TMEM243: variants seen among roughly 807,000 people sequenced by gnomAD.
TMEM243 encodes MDR1 and mitochondrial taxol resistance associated.
In TMEM243, 20 loss-of-function variants were observed where a neutral mutation model predicts 15.0. That is an observed-to-expected ratio of 1.33 (90% CI 0.94 to 1.93). The LOEUF (loss-of-function observed/expected upper bound fraction) is 1.93. TMEM243 is among the 30% of genes most tolerant of loss of function. TMEM243 has a pLI of 0.00. For synonymous variants in TMEM243, 72 were observed against 52.7 expected, an observed-to-expected ratio of 1.37 and a Z score of -1.59; for missense variants, 156 against 142.1, an observed-to-expected ratio of 1.10 and a Z score of -0.50.
intron 1 of TMEM243, among the ~76,000 whole-genome samples, chr7:87,216,523 C>T (rs1436423651): frequency 6.6e-6 from 1 of 152,120 alleles, no homozygotes. Flanking sequence ...ATGACTATGT[C>T]TGTAAAGCTA....
Position 87,196,687 on chromosome 7 carries a change from G to A in TMEM243, c.306C>T (p.Ile102=), listed in dbSNP as rs1801281062. 6.2e-7 allele frequency: 1 copy of A among 1,610,208 alleles called. No individual in the cohort carries two copies. Among genetic ancestry groups the A allele is most frequent in the South Asian group, 1.1e-5 (1 of 90,376 alleles). The change falls in exon 4 of 4, where the codon ATC becomes ATT. Residue 102 remains isoleucine (I), a synonymous_variant. Coordinates refer to ENST00000257637, the MANE Select transcript of TMEM243 (RefSeq NM_024315.4). ...RKLIYYIIFS[I]IMLCICANLY... ...GGTTTGCACATATACACAACATGAT[G>A]ATAGAAAATATGATATAGTAAATTA...
intron 1 of TMEM243, among the ~76,000 whole-genome samples, chr7:87,210,560 C>T (rs1165706766): frequency 6.6e-6 from 1 of 152,224 alleles, no homozygotes; most frequent in Non-Finnish European, 1.5e-5. Context: ...GAAGGGGCTA[C>T]AGGCCCCATG....
intron 1 of TMEM243, among the ~76,000 whole-genome samples, chr7:87,207,740 A>G (rs1393257416): frequency 6.6e-6 from 1 of 152,208 alleles, no homozygotes; most frequent in Non-Finnish European, 1.5e-5. Flanking sequence ...TTTCTATGTG[A>G]TTCTACAAAA....
intron 1 of TMEM243, among the ~76,000 whole-genome samples, chr7:87,209,707 A>AGAGCGAGACACAGT (rs1286482510): frequency 6.9e-6 from 1 of 144,056 alleles, no homozygotes; most frequent in African/African-American, 2.8e-5. Flanking sequence ...AGACACAGTG[A>AGAGCGAGACACAGT]GAGCGAGACA....
chr7:87,199,332 T>A (rs549826908), intron 1 of TMEM243: 17 of 360,632 alleles, frequency 4.7e-5, no homozygotes, highest in African/African-American at 3.6e-4. Context: ...TAAGGGAGGC[T>A]TACAAATAAT....
intron 3 of TMEM243, among the ~76,000 whole-genome samples, chr7:87,197,238 A>C (rs1165808967): frequency 2.0e-5 from 3 of 152,072 alleles, no homozygotes; most frequent in Admixed American, 2.0e-4. Flanking sequence ...GGGTCATGGG[A>C]GTATATAGCA....
chr7:87,219,379 A>C, intron 1 of TMEM243, 47 bp downstream of exon 1: 1 of 1,582,768 alleles, frequency 6.3e-7, no homozygotes, highest in South Asian at 1.1e-5. Flanking sequence ...GAGGGCAGGC[A>C]GCAGACACAC....
intron 1 of TMEM243, among the ~76,000 whole-genome samples, chr7:87,206,802 T>C (rs747569003): frequency 1.3e-5 from 2 of 152,374 alleles, no homozygotes; most frequent in South Asian, 2.1e-4. Flanking sequence ...TTCTTGACAG[T>C]GTGGCACACT....
chr7:87,218,727 T>A (rs893932102), intron 1 of TMEM243: 5 of 152,194 alleles, frequency 3.3e-5, no homozygotes, highest in African/African-American at 9.7e-5. Context: ...AATGCCACTT[T>A]TAGATGAAAA....
intron 1 of TMEM243, among the ~76,000 whole-genome samples, chr7:87,214,709 TAAA>T (rs1035978570): frequency 1.3e-5 from 2 of 152,240 alleles, no homozygotes; most frequent in African/African-American, 4.8e-5. Context: ...TCAGCTGCTT[TAAA>T]ACTAAGCTGT....
intron 1 of TMEM243, among the ~76,000 whole-genome samples, chr7:87,211,632 G>A (rs570405698): frequency 9.3e-4 from 142 of 152,316 alleles, no homozygotes; most frequent in Non-Finnish European, 1.7e-3. Flanking sequence ...AAAGCATAAC[G>A]AGAGGATGCA....
chr7:87,198,673 T>C (rs1317463629), intron 2 of TMEM243: 1 of 348,286 alleles, frequency 2.9e-6, no homozygotes, highest in Non-Finnish European at 5.2e-6. Context: ...GACCAAAGGG[T>C]AATGGATATG....
rs1255945082 is a variant in TMEM243 at position 87,219,673 on chromosome 7, C to G, written c.-170G>C. The G allele has an allele frequency of 6.5e-6, 4 of 620,072 alleles. No individual in the cohort carries two copies. Among genetic ancestry groups the G allele is most frequent in the African/African-American group, 3.7e-5 (2 of 54,114 alleles). 38.4% of individuals were successfully genotyped at this position (620,072 alleles called of 1,614,324 possible). ...TGGGTGGGGGCTCACACGCGGGGAA[C>G]GCGACTGCTCCGCCCCGGCCCCGCG... On this transcript the variant is annotated 5_prime_UTR_variant, in exon 1 of 4. Coordinates refer to ENST00000257637, the MANE Select transcript of TMEM243 (RefSeq NM_024315.4).
chr7:87,209,684 C>CAGTGAAAG (rs1554365988), intron 1 of TMEM243, among the ~76,000 whole-genome samples: 1 of 73,194 alleles, frequency 1.4e-5, no homozygotes, highest in Non-Finnish European at 3.0e-5. Flanking sequence ...GAGCGAGACA[C>CAGTGAAAG]AGCGAGAGAG....
At chr7:87,197,513 G>C (rs1801395383) in intron 3 of TMEM243, among the ~76,000 whole-genome samples, 1 of 151,840 alleles carries the variant, frequency 6.6e-6, no homozygotes, top group Non-Finnish European at 1.5e-5. Context: ...TCCATTTTGG[G>C]AAACAAACAT....
intron 1 of TMEM243, among the ~76,000 whole-genome samples, chr7:87,216,081 T>TAACACGGTGAC (rs1399684495): frequency 6.6e-6 from 1 of 151,844 alleles, no homozygotes; most frequent in East Asian, 1.9e-4. Flanking sequence ...CCATCCTGGC[T>TAACACGGTGAC]AACACGGTGA....
intron 2 of TMEM243, chr7:87,198,804 C>T (rs1336220851): frequency 1.0e-5 from 5 of 484,520 alleles, no homozygotes; most frequent in East Asian, 3.5e-5. Context: ...TATCTTAAAA[C>T]GAAGTTGTCT....
At chr7:87,202,391 G>A (rs1801882753) in intron 1 of TMEM243, among the ~76,000 whole-genome samples, 1 of 152,216 alleles carries the variant, frequency 6.6e-6, no homozygotes, top group Non-Finnish European at 1.5e-5. Context: ...GACAAATGGA[G>A]ATTGTTGACC....
rs549325786 is a variant in TMEM243, at chr7:87,213,746, A to C, written c.78+5680T>G. On this transcript the variant is annotated intron_variant, in intron 1 of 3. Coordinates refer to ENST00000257637, the MANE Select transcript of TMEM243 (RefSeq NM_024315.4). ...GAATTGCTTGACTAACACTAATCAT[A>C]AAAAGCCCTTGCTTTTCACCGTCTT... Among the ~76,000 whole-genome samples the C allele has an allele frequency of 3.0e-4, 45 of 151,884 alleles. No individual in the cohort carries two copies. The South Asian group carries it at 6.3e-3, about 21-fold the overall frequency.
Sources: gnomAD v4.1 joint callset for allele counts (sites outside exome capture counted in the v4.1 genomes callset) on GRCh38, gnomAD v4.1.1 for gene constraint, MANE v1.5 for transcripts, NCBI Gene and HGNC (gene_info 2026-07-23, HGNC 2026-07-21) for gene names.